The following BEND2 variants were observed in gnomAD, a reference collection of about 807,000 sequenced individuals.
The protein encoded by BEND2 is BEN domain-containing protein 2.
In BEND2, 19 loss-of-function variants were observed where a neutral mutation model predicts 43.8. The observed-to-expected ratio is 0.43, with a 90% CI of 0.30 to 0.64. The LOEUF (loss-of-function observed/expected upper bound fraction) is 0.64. Ranked by LOEUF, BEND2 falls within the 30% of genes least tolerant of loss-of-function variation. The probability of loss-of-function intolerance (pLI) is 0.11; values close to 1 mark genes in which losing one functional copy is unlikely to be tolerated. For synonymous variants in BEND2, 226 were observed against 210.1 expected, an observed-to-expected ratio of 1.08 and a Z score of -0.66; for missense variants, 544 against 574.0, an observed-to-expected ratio of 0.95 and a Z score of 0.53.
chrX:18,220,694 C>T, intron 1 of BEND2, 32 bp downstream of exon 1: 1 of 1,209,756 alleles, frequency 8.3e-7, no homozygotes, highest in Non-Finnish European at 1.1e-6. Context: ...GAGGCCCAAG[C>T]TAGCGGGCCA....
chrX:18,195,406 G>A lies in BEND2; in HGVS notation c.1070C>T (p.Thr357Ile). The stretch of plus-strand genomic sequence containing the variant: ...AGAGTTATTTTCCACGTTGGTTTCT[G>A]TTGTTCCTGGCATTTCAGTAAGTAT... ...KIILTEMPGTTETNVENNSQT... is the reference protein window; with the variant it reads ...KIILTEMPGTIETNVENNSQT... The change falls in exon 7 of 14, where the codon ACA (threonine) becomes ATA (isoleucine). Residue 357 changes from threonine (T) to isoleucine (I), a missense_variant. By Grantham distance (89) the Thr-to-Ile change is moderately conservative. Around this residue, in one of 2 missense-constraint regions of BEND2, gnomAD observed 501 missense variants for 501.6 expected, o/e 1.00. Transcript: ENST00000380033. The A allele has an allele frequency of 5.8e-6, 7 of 1,207,797 alleles. No homozygotes were observed. Among genetic ancestry groups the A allele is most frequent in the Non-Finnish European group, 7.8e-6 (7 of 893,421 alleles).
At chrX:18,167,965 G>A (rs1217655788) in intron 13 of BEND2, among the ~76,000 whole-genome samples, 1 of 112,599 alleles carries the variant, frequency 8.9e-6, no homozygotes, top group Non-Finnish European at 1.9e-5. Flanking sequence ...ACATCTGAAG[G>A]TAGTCATTGA....
In BEND2 at chrX:18,171,159, A is replaced by T; in HGVS notation, c.2027T>A (p.Val676Glu). The T allele has an allele frequency of 8.3e-7, 1 of 1,209,495 alleles. No homozygotes were observed. Among genetic ancestry groups the T allele is most frequent in the Non-Finnish European group, 1.1e-6 (1 of 893,071 alleles). The change falls in exon 13 of 14, where the codon GTA becomes GAA. Residue 676 changes from valine (V) to glutamate (E), a missense_variant. Coordinates refer to ENST00000380033, the MANE Select transcript of BEND2 (RefSeq NM_153346.5). ...AGACTTAGTTTTTGCCAAAGTCAGTACTGAACATGGCATCCGTATATTTCT... is the reference window on the plus strand; with the variant it reads ...AGACTTAGTTTTTGCCAAAGTCAGTTCTGAACATGGCATCCGTATATTTCT... ...PWRNIRMPCS[V>E]LTLAKTKSCA... is the part of the protein sequence containing the mutation.
intron 4 of BEND2, among the ~76,000 whole-genome samples, chrX:18,208,949 A>G (rs1925425078): frequency 9.0e-6 from 1 of 110,965 alleles, no homozygotes; most frequent in Non-Finnish European, 1.9e-5. Flanking sequence ...TCCTTAGAGA[A>G]CAGTTTAATT....
intron 6 of BEND2, among the ~76,000 whole-genome samples, chrX:18,198,264 C>A (rs1925024506): frequency 9.1e-6 from 1 of 109,984 alleles, no homozygotes; most frequent in Non-Finnish European, 1.9e-5. Context: ...AGTGAACAGG[C>A]AACCTACAGA....
intron 9 of BEND2, 67 bp downstream of exon 9, chrX:18,180,443 G>C: frequency 8.5e-7 from 1 of 1,177,987 alleles, no homozygotes; most frequent in Non-Finnish European, 1.1e-6. Context: ...TCACTGTCTT[G>C]CATCAAGGAA....
intron 6 of BEND2, among the ~76,000 whole-genome samples, chrX:18,196,489 T>C (rs765129252): frequency 8.2e-5 from 9 of 110,415 alleles, no homozygotes; most frequent in Non-Finnish European, 1.1e-4. Flanking sequence ...TGAAAACTTA[T>C]ATTTATCCAA....
chrX:18,185,085 T>C (rs1238462502), intron 8 of BEND2, among the ~76,000 whole-genome samples: 2 of 109,637 alleles, frequency 1.8e-5, no homozygotes, highest in South Asian at 4.0e-4. Context: ...ATTAGTGAGC[T>C]TGAAGACAGG....
intron 6 of BEND2, among the ~76,000 whole-genome samples, chrX:18,195,693 C>A (rs772099315): frequency 1.8e-5 from 2 of 109,906 alleles, no homozygotes; most frequent in East Asian, 2.9e-4. Context: ...CCAGCCTGGA[C>A]AACATGAGAC....
At chrX:18,217,314 T>C (rs955335651) in intron 1 of BEND2, among the ~76,000 whole-genome samples, 50 of 112,589 alleles carry the variant, frequency 4.4e-4, no homozygotes, top group African/African-American at 1.6e-3. Context: ...ATGCAAAATG[T>C]CCAAGATCAA....
chrX:18,194,315 C>A (rs1924869779), intron 7 of BEND2, among the ~76,000 whole-genome samples: 1 of 110,905 alleles, frequency 9.0e-6, no homozygotes, highest in Admixed American at 9.7e-5. Context: ...TTCCCAAAAA[C>A]CAGTACACAG....
Position 18,176,112 on chromosome X carries a change from A to G in BEND2, c.1631-19T>C. The G allele has an allele frequency of 1.7e-6, 2 of 1,167,567 alleles. No homozygotes were observed. Among genetic ancestry groups the G allele is most frequent in the Non-Finnish European group, 2.3e-6 (2 of 879,207 alleles). The stretch of plus-strand genomic sequence containing the variant: ...AGATATTCTGCAAACAGCAGAAAGT[A>G]TTCACGAAAATTAGAAAAAAAAATT... On this transcript the variant is annotated intron_variant, in intron 10 of 13. Transcript: ENST00000380033.
At chrX:18,188,862 G>T (rs776875945) in intron 8 of BEND2, among the ~76,000 whole-genome samples, 1 of 111,969 alleles carries the variant, frequency 8.9e-6, no homozygotes, top group South Asian at 3.7e-4. Context: ...AAATACTGAT[G>T]CAAAAACCCT....
At chrX:18,197,146 T>TA (rs1924980420) in intron 6 of BEND2, among the ~76,000 whole-genome samples, 1 of 112,201 alleles carries the variant, frequency 8.9e-6, no homozygotes, top group South Asian at 3.7e-4. Context: ...TATTTCAAAA[T>TA]AAAAATGGCT....
intron 5 of BEND2, among the ~76,000 whole-genome samples, chrX:18,202,774 T>G (rs907027330): frequency 1.2e-4 from 14 of 112,318 alleles, no homozygotes; most frequent in African/African-American, 3.6e-4. Flanking sequence ...AACCAGCAGT[T>G]GCACTCTTGG....
At chrX:18,190,255 T>C (rs778103828) in intron 8 of BEND2, among the ~76,000 whole-genome samples, 2 of 111,731 alleles carry the variant, frequency 1.8e-5, no homozygotes, top group East Asian at 5.6e-4. Flanking sequence ...AAAAACGTTA[T>C]GTTCACACAA....
At chrX:18,214,419 C>A (rs911276015) in intron 2 of BEND2, among the ~76,000 whole-genome samples, 1 of 111,718 alleles carries the variant, frequency 9.0e-6, no homozygotes, top group African/African-American at 3.3e-5. Context: ...GAGCTCATAA[C>A]CTTATATTTC....
chrX:18,187,490 A>G (rs1174861820), intron 8 of BEND2, among the ~76,000 whole-genome samples: 1 of 112,075 alleles, frequency 8.9e-6, no homozygotes, highest in African/African-American at 3.2e-5. Context: ...ACCCACATAT[A>G]TAAAGCAAAT....
chrX:18,178,770 C>T (rs1231672922), intron 9 of BEND2, among the ~76,000 whole-genome samples: 4 of 111,167 alleles, frequency 3.6e-5, no homozygotes, highest in Non-Finnish European at 5.6e-5. Context: ...CACTTCACAA[C>T]TGAATAAACT....
Sources: gnomAD v4.1 joint callset for allele counts (sites outside exome capture counted in the v4.1 genomes callset) on GRCh38, gnomAD v4.1.1 for gene constraint, gnomAD v4.1.1 regional missense constraint, MANE v1.5 for transcripts, NCBI Gene and HGNC (gene_info 2026-07-23, HGNC 2026-07-21) for gene names.